The following DAB1 variants were observed in gnomAD, a reference collection of about 807,000 sequenced individuals.
The protein encoded by DAB1 is DAB adaptor protein 1.
Under a neutral mutation model 64.6 loss-of-function variants are expected in DAB1, and 15 were observed. That is an observed-to-expected ratio of 0.23 (90% confidence interval 0.16 to 0.36). The LOEUF is 0.36. Ranked by LOEUF, DAB1 falls within the 10% of genes least tolerant of loss-of-function variation. DAB1 has a pLI of 1.00. For synonymous variants in DAB1, 235 were observed against 251.9 expected (o/e 0.93, Z 0.64); for missense variants, 596 against 706.7 (o/e 0.84, Z 1.78).
At chr1:57,466,822 T>A (rs964053446) in intron 7 of DAB1, among the ~76,000 whole-genome samples, 1 of 152,164 alleles carries the variant, frequency 6.6e-6, no homozygotes, top group African/African-American at 2.4e-5. Context: ...TAATGCTACC[T>A]GCATCCCTTC....
At chr1:58,147,478 C>A (rs1255589682) in intron 5 of DAB1, among the ~76,000 whole-genome samples, 1 of 150,628 alleles carries the variant, frequency 6.6e-6, no homozygotes. Flanking sequence ...ATTAGCCAGG[C>A]GTGGTGGCAG....
chr1:57,749,754 G>C (rs973646956), intron 6 of DAB1, among the ~76,000 whole-genome samples: 9 of 152,018 alleles, frequency 5.9e-5, no homozygotes, highest in Non-Finnish European at 1.2e-4. Context: ...GAGAATAGAA[G>C]GAAATGAAAT....
chr1:57,716,469 C>T (rs1575511), intron 6 of DAB1, among the ~76,000 whole-genome samples: 1,575 of 152,058 alleles, frequency 0.01, 24 homozygotes, highest in African/African-American at 0.036. Flanking sequence ...AACAAAGGTG[C>T]GAAAATACAC....
intron 7 of DAB1, among the ~76,000 whole-genome samples, chr1:57,489,008 T>G (rs1644128558): frequency 6.6e-6 from 1 of 152,222 alleles, no homozygotes; most frequent in South Asian, 2.1e-4. Flanking sequence ...GGCACATCGA[T>G]GGAAGACCCA....
chr1:57,310,696 C>A (rs1350520564), intron 1 of DAB1, among the ~76,000 whole-genome samples: 2 of 152,178 alleles, frequency 1.3e-5, no homozygotes, highest in African/African-American at 4.8e-5. Flanking sequence ...ATCCCACTAA[C>A]CCTGCTCCCA....
intron 4 of DAB1, among the ~76,000 whole-genome samples, chr1:58,160,511 G>A (rs1472756150): frequency 6.6e-6 from 1 of 152,116 alleles, no homozygotes; most frequent in African/African-American, 2.4e-5. Context: ...TTCATAGCAT[G>A]AACTTGGGCT....
intron 1 of DAB1, among the ~76,000 whole-genome samples, chr1:57,854,842 C>A (rs1184899149): frequency 6.6e-6 from 1 of 152,130 alleles, no homozygotes; most frequent in African/African-American, 2.4e-5. Flanking sequence ...CTGAAAAGGG[C>A]CTTTTATGTG....
intron 2 of DAB1, among the ~76,000 whole-genome samples, chr1:57,248,843 C>G (rs572394216): frequency 6.6e-6 from 1 of 152,306 alleles, no homozygotes. Context: ...TATTTAACCT[C>G]CAATGAATCT....
intron 6 of DAB1, among the ~76,000 whole-genome samples, chr1:57,773,675 T>G (rs1334235969): frequency 6.6e-6 from 1 of 152,032 alleles, no homozygotes; most frequent in Non-Finnish European, 1.5e-5. Flanking sequence ...TCAAGTAATT[T>G]AAGTGTATGA....
chr1:57,990,484 TAAC>T (rs1437055120), intron 5 of DAB1, among the ~76,000 whole-genome samples: 2 of 152,238 alleles, frequency 1.3e-5, no homozygotes, highest in East Asian at 1.9e-4. Context: ...GTTTTTATCC[TAAC>T]AACAAGTTGG....
chr1:57,707,230 T>G (rs1236570682), intron 6 of DAB1, among the ~76,000 whole-genome samples: 1 of 152,212 alleles, frequency 6.6e-6, no homozygotes, highest in Non-Finnish European at 1.5e-5. Flanking sequence ...TTTGTCATTT[T>G]GAGAATTTAT....
At chr1:58,372,283 T>G (rs1255702544) in intron 3 of DAB1, among the ~76,000 whole-genome samples, 1 of 152,240 alleles carries the variant, frequency 6.6e-6, no homozygotes, top group Non-Finnish European at 1.5e-5. Flanking sequence ...ATTTTGGGGC[T>G]TTAAGATTTA....
chr1:58,531,872 C>A (rs1210640392), intron 1 of DAB1, among the ~76,000 whole-genome samples: 1 of 152,018 alleles, frequency 6.6e-6, no homozygotes, highest in Non-Finnish European at 1.5e-5. Flanking sequence ...CCATGCTCAG[C>A]TATTTTTTGT....
At chr1:58,150,502 G>T (rs1033986165) in intron 5 of DAB1, 1 of 151,934 alleles carries the variant, frequency 6.6e-6, no homozygotes, top group East Asian at 1.9e-4. Context: ...ATAAAATGTG[G>T]CAACTTGCCC....
intron 1 of DAB1, among the ~76,000 whole-genome samples, chr1:57,882,763 C>T (rs947689877): frequency 1.3e-5 from 2 of 152,268 alleles, no homozygotes; most frequent in African/African-American, 2.4e-5. Context: ...CAGCAAACAC[C>T]TATTGAGCAC....
chr1:58,468,211 C>T (rs1233066274), intron 3 of DAB1: 1 of 152,274 alleles, frequency 6.6e-6, no homozygotes, highest in Non-Finnish European at 1.5e-5. Flanking sequence ...GCGCGAGCCA[C>T]CGCACCCAGC....
chr1:57,238,940 T>C (rs1425953959), intron 2 of DAB1, among the ~76,000 whole-genome samples: 2 of 151,730 alleles, frequency 1.3e-5, no homozygotes, highest in Non-Finnish European at 2.9e-5. Context: ...GAGTCCCGAA[T>C]ATAATTTTTT....
At chr1:58,424,393 G>C (rs540742977) in intron 3 of DAB1, among the ~76,000 whole-genome samples, 11 of 151,976 alleles carry the variant, frequency 7.2e-5, no homozygotes, top group Non-Finnish European at 1.6e-4. Context: ...CAGTTATCTG[G>C]GCATCCCATG....
chr1:58,056,311 C>T (rs766959228), intron 5 of DAB1: 1 of 1,536,450 alleles, frequency 6.5e-7, no homozygotes, highest in African/African-American at 1.4e-5. Flanking sequence ...ATCGAAGACG[C>T]TCGCTTCAGA....
Sources: gnomAD v4.1 joint callset for allele counts (sites outside exome capture counted in the v4.1 genomes callset) on GRCh38, gnomAD v4.1.1 for gene constraint, MANE v1.5 for transcripts, NCBI Gene and HGNC (gene_info 2026-07-23, HGNC 2026-07-21) for gene names.